The following NHLRC2 variants were observed in gnomAD, a reference collection of about 807,000 sequenced individuals.
NHLRC2 encodes NHL repeat-containing protein 2.
Under a neutral mutation model 68.1 loss-of-function variants are expected in NHLRC2, and 33 were observed. The ratio of observed to expected loss-of-function variants is 0.48; its 90% confidence interval spans 0.37 to 0.65. The LOEUF (loss-of-function observed/expected upper bound fraction) is 0.65, where lower values mean the gene tolerates loss of function less well. Ranked by LOEUF, NHLRC2 falls within the 30% of genes least tolerant of loss-of-function variation. The pLI is 0.00. For synonymous variants in NHLRC2, 311 were observed against 309.6 expected (o/e 1.00, Z -0.05); for missense variants, 761 against 853.8 (o/e 0.89, Z 1.35).
intron 2 of NHLRC2, among the ~76,000 whole-genome samples, chr10:113,865,292 C>CCCCG (rs1486141554): frequency 1.4e-5 from 2 of 140,880 alleles, no homozygotes; most frequent in African/African-American, 5.2e-5. Context: ...CCCCCCCCCC[C>CCCCG]GTTCCTCTCA....
chr10:113,862,117 C>T (rs371174507), intron 2 of NHLRC2, among the ~76,000 whole-genome samples: 17 of 152,150 alleles, frequency 1.1e-4, no homozygotes, highest in African/African-American at 3.9e-4. Flanking sequence ...TCACATGATT[C>T]GCCCATCTCA....
intron 9 of NHLRC2, among the ~76,000 whole-genome samples, chr10:113,904,098 GTT>G (rs78131052): frequency 2.5e-5 from 3 of 120,382 alleles, no homozygotes; most frequent in Non-Finnish European, 5.4e-5. Context: ...TATTGTTTTT[GTT>G]TTTTTTTTTT....
Position 113,855,073 on chromosome 10 carries a change from G to C in NHLRC2, c.178+23G>C, listed in dbSNP as rs969738748. 10 of 1,546,046 alleles carry C rather than the reference G, an allele frequency of 6.5e-6. No homozygotes were observed. The African/African-American group carries it at 1.4e-4, about 21-fold the overall frequency. On this transcript the variant is annotated intron_variant, in intron 1 of 10. Transcript: ENST00000369301. ...AAGGTGAGGGGCTGGCGTCGGGGTG[G>C]GGGCCCCTCCCGGCACCTCCCCTTC...
At position 113,885,703 on chromosome 10, in the gene NHLRC2, TAAAAG is replaced by T. The variant is rs754362108; in HGVS notation, c.1039+1327_1039+1331del. ...ATATAGCAAGGGATATTTTGAGTGATAAAAGAAAGTTACAGAATATGTACAATATA... is the reference window on the plus strand; with the variant it reads ...ATATAGCAAGGGATATTTTGAGTGATAAAGTTACAGAATATGTACAATATA... On this transcript the variant is annotated intron_variant, in intron 5 of 10. Coordinates refer to ENST00000369301, the MANE Select transcript of NHLRC2 (RefSeq NM_198514.4). Among the ~76,000 whole-genome samples, 3 of 152,026 alleles carry T rather than the reference TAAAAG, an allele frequency of 2.0e-5. No individual in the cohort carries two copies. In the East Asian group the frequency reaches 5.8e-4, roughly 29 times the overall value.
intron 2 of NHLRC2, 48 bp from the exon 3 acceptor site, chr10:113,876,473 C>A: frequency 9.0e-7 from 1 of 1,117,306 alleles, no homozygotes; most frequent in South Asian, 1.6e-5. Context: ...TGATGATATT[C>A]AAACTTAAAT....
At chr10:113,905,976 A>G (rs762639418) in intron 10 of NHLRC2, among the ~76,000 whole-genome samples, 34 of 152,150 alleles carry the variant, frequency 2.2e-4, no homozygotes, top group Non-Finnish European at 4.6e-4. Context: ...CTAACCATGT[A>G]CTAGGACCTT....
rs891455797 is a variant in NHLRC2, at chr10:113,916,419, C to T, written c.*7883C>T. The T allele has an allele frequency of 5.3e-5, 8 of 152,026 alleles. No homozygotes were observed. Among genetic ancestry groups the T allele is most frequent in the African/African-American group, 1.4e-4 (6 of 41,408 alleles). 9.4% of individuals were successfully genotyped at this position (152,026 alleles called of 1,614,324 possible). A position where few individuals can be genotyped will look rare whatever the true frequency, so the allele number is the denominator to read the frequency against. ...ACAATTTTGTTGTAGTATTTTTTTC[C>T]GTAGCATTTCTTAATAATAGCTCAG... On this transcript the variant is annotated 3_prime_UTR_variant, in exon 11 of 11. Transcript: ENST00000369301.
chr10:113,858,046 CTTTTTTT>C (rs529701767), intron 1 of NHLRC2, among the ~76,000 whole-genome samples: 2 of 131,646 alleles, frequency 1.5e-5, no homozygotes, highest in East Asian at 4.3e-4. Context: ...ATATTTCTTC[CTTTTTTT>C]TTTTTTTTGC....
chr10:113,854,849 C>A lies in NHLRC2; in HGVS notation c.-24C>A. 1 of 1,530,684 alleles carries A rather than the reference C, an allele frequency of 6.5e-7. No homozygotes were observed. Among genetic ancestry groups the A allele is most frequent in the Non-Finnish European group, 8.8e-7 (1 of 1,139,152 alleles). 94.8% of individuals were successfully genotyped at this position (1,530,684 alleles called of 1,614,324 possible). On this transcript the variant is annotated 5_prime_UTR_variant, in exon 1 of 11. Transcript: ENST00000369301. ...CGAGACTCTCCCGCGGGCCCGGCGG[C>A]CGCATCGGGAGCCCGGCGGAAACAT...
At chr10:113,902,853 C>T (rs1430785880) in intron 8 of NHLRC2, among the ~76,000 whole-genome samples, 3 of 152,212 alleles carry the variant, frequency 2.0e-5, no homozygotes, top group African/African-American at 4.8e-5. Context: ...CCCATCAAAG[C>T]TGCTTAGTAA....
chr10:113,872,758 A>G (rs1193756463), intron 2 of NHLRC2, among the ~76,000 whole-genome samples: 1 of 95,914 alleles, frequency 1.0e-5, no homozygotes, highest in Admixed American at 1.4e-4. Flanking sequence ...AATGAAAATG[A>G]GCTAAAAAAA....
At chr10:113,893,639 G>T (rs76813631) in intron 5 of NHLRC2, among the ~76,000 whole-genome samples, 1 of 151,900 alleles carries the variant, frequency 6.6e-6, no homozygotes, top group Admixed American at 6.6e-5. Context: ...CTCTTTCCTC[G>T]GGCATCTGAA....
intron 2 of NHLRC2, among the ~76,000 whole-genome samples, chr10:113,872,632 A>G (rs547656660): frequency 1.3e-5 from 2 of 152,092 alleles, no homozygotes; most frequent in Non-Finnish European, 2.9e-5. Context: ...GAATCCAGAA[A>G]AGAGAAGACA....
At chr10:113,877,735 C>T (rs1845997523) in intron 3 of NHLRC2, among the ~76,000 whole-genome samples, 1 of 152,134 alleles carries the variant, frequency 6.6e-6, no homozygotes, top group African/African-American at 2.4e-5. Flanking sequence ...GTAATATATG[C>T]AGCATTAGTA....
At chr10:113,879,471 A>ATT in intron 3 of NHLRC2, 103 bp from the exon 4 acceptor site, 1 of 1,058,718 alleles carries the variant, frequency 9.4e-7, no homozygotes, top group Non-Finnish European at 1.4e-6. Flanking sequence ...TGGACATACC[A>ATT]TTTTTTTATA....
At chr10:113,897,818 T>C (rs962691647) in intron 5 of NHLRC2, among the ~76,000 whole-genome samples, 2 of 152,212 alleles carry the variant, frequency 1.3e-5, no homozygotes, top group Non-Finnish European at 2.9e-5. Context: ...CGTTGTAAAA[T>C]TAACAAACTG....
intron 5 of NHLRC2, among the ~76,000 whole-genome samples, chr10:113,895,726 C>T (rs1443611310): frequency 6.6e-6 from 1 of 152,084 alleles, no homozygotes; most frequent in African/African-American, 2.4e-5. Context: ...AATGGAGGCA[C>T]ACACATTAGA....
At position 113,854,909 on chromosome 10, in the gene NHLRC2, G is replaced by C; in HGVS notation, c.37G>C (p.Gly13Arg). 3 of 1,552,392 alleles carry C rather than the reference G, an allele frequency of 1.9e-6. No individual in the cohort carries two copies. In the South Asian group the frequency reaches 3.6e-5, roughly 18 times the overall value. ...APGGRGRSLS[G>R]LLPAQTSLEY... ...CGGAGGCCGGGGCCGCAGCCTCTCC[G>C]GCCTGCTCCCCGCGCAGACCTCGCT... The change falls in exon 1 of 11, where the codon GGC (glycine) becomes CGC (arginine). Residue 13 changes from glycine to arginine, a missense_variant. Gly to Arg is a moderately radical substitution (Grantham distance 125). Transcript: ENST00000369301.
chr10:113,881,420 A>G (rs1474346580), intron 4 of NHLRC2, among the ~76,000 whole-genome samples: 9 of 151,904 alleles, frequency 5.9e-5, no homozygotes, highest in Non-Finnish European at 1.3e-4. Flanking sequence ...CCTTTTAAAA[A>G]TACAAGAATA....
Sources: allele counts gnomAD v4.1 joint callset (sites outside exome capture counted in the v4.1 genomes callset), GRCh38; gene constraint gnomAD v4.1.1; transcripts MANE v1.5; gene names NCBI Gene and HGNC (gene_info 2026-07-23, HGNC 2026-07-21).